DLG2: variants seen among roughly 807,000 people sequenced by gnomAD.
The protein encoded by DLG2 is discs large MAGUK scaffold protein 2, also known as disks large homolog 2.
In DLG2, 45 loss-of-function variants were observed where a neutral mutation model predicts 132.5. The ratio of observed to expected loss-of-function variants is 0.34; its 90% CI spans 0.27 to 0.44. DLG2 has a LOEUF of 0.44. Ranked by LOEUF, DLG2 falls within the 20% of genes least tolerant of loss-of-function variation. The probability of loss-of-function intolerance (pLI) is 1.00; values close to 1 mark genes in which losing one functional copy is unlikely to be tolerated. For synonymous variants in DLG2, 424 were observed against 419.6 expected (o/e 1.01, Z -0.13); for missense variants, 1,045 against 1,196.9 (o/e 0.87, Z 1.87).
intron 6 of DLG2, among the ~76,000 whole-genome samples, chr11:84,917,649 T>C (rs2092550186): frequency 6.6e-6 from 1 of 152,190 alleles, no homozygotes; most frequent in Non-Finnish European, 1.5e-5. Context: ...TACTAAGAGT[T>C]TGACAAATGG....
intron 6 of DLG2, among the ~76,000 whole-genome samples, chr11:84,794,750 A>C (rs2074335173): frequency 6.6e-6 from 1 of 152,160 alleles, no homozygotes; most frequent in African/African-American, 2.4e-5. Context: ...TGCTGTCACA[A>C]CCCAACTGGG....
chr11:83,531,307 C>A (rs2095738333), intron 21 of DLG2, among the ~76,000 whole-genome samples: 1 of 151,926 alleles, frequency 6.6e-6, no homozygotes, highest in Non-Finnish European at 1.5e-5. Context: ...TTCTGCAACT[C>A]AACAATAACA....
At chr11:85,556,721 G>A (rs1202509495) in intron 3 of DLG2, among the ~76,000 whole-genome samples, 1 of 151,790 alleles carries the variant, frequency 6.6e-6, no homozygotes, top group Admixed American at 6.6e-5. Flanking sequence ...GCCCACCTAT[G>A]TTCACCAGGT....
At chr11:83,905,324 C>T (rs547122576) in intron 15 of DLG2, among the ~76,000 whole-genome samples, 1 of 152,242 alleles carries the variant, frequency 6.6e-6, no homozygotes, top group African/African-American at 2.4e-5. Flanking sequence ...CACTTTTGAT[C>T]TGATTCTTAC....
At chr11:84,745,676 G>A (rs981981458) in intron 6 of DLG2, among the ~76,000 whole-genome samples, 2 of 152,106 alleles carry the variant, frequency 1.3e-5, no homozygotes, top group Non-Finnish European at 2.9e-5. Flanking sequence ...AGAGAGCAAG[G>A]AAGAATGAAG....
chr11:84,456,717 T>TTGA (rs2099066378), intron 7 of DLG2, among the ~76,000 whole-genome samples: 1 of 151,380 alleles, frequency 6.6e-6, no homozygotes, highest in South Asian at 2.1e-4. Context: ...ACATTGCACT[T>TTGA]ATCAGCTTCT....
At chr11:85,347,721 G>T (rs183935310) in intron 3 of DLG2, among the ~76,000 whole-genome samples, 3 of 151,658 alleles carry the variant, frequency 2.0e-5, no homozygotes, top group Non-Finnish European at 4.4e-5. Flanking sequence ...GAGGGCAAAG[G>T]GGAAGTTTTC....
At chr11:84,461,637 T>C (rs1337827780) in intron 7 of DLG2, among the ~76,000 whole-genome samples, 5 of 151,012 alleles carry the variant, frequency 3.3e-5, no homozygotes, top group African/African-American at 1.2e-4. Context: ...GAAGACTTGA[T>C]AAATGTTCAA....
At chr11:83,539,103 G>A (rs1378057245) in intron 20 of DLG2, among the ~76,000 whole-genome samples, 3 of 152,044 alleles carry the variant, frequency 2.0e-5, no homozygotes, top group African/African-American at 7.3e-5. Flanking sequence ...GTTCTAATGA[G>A]GTTTAAATAA....
At chr11:84,165,894 T>C (rs1411814524) in intron 8 of DLG2, among the ~76,000 whole-genome samples, 1 of 151,752 alleles carries the variant, frequency 6.6e-6, no homozygotes, top group East Asian at 1.9e-4. Flanking sequence ...TGAGATCCCG[T>C]CTCAAAAACA....
At chr11:83,930,155 A>G (rs1020887836) in intron 15 of DLG2, among the ~76,000 whole-genome samples, 173 bp downstream of exon 15, 3 of 152,208 alleles carry the variant, frequency 2.0e-5, no homozygotes, top group Non-Finnish European at 4.4e-5. Flanking sequence ...AAAACAAAAC[A>G]AAAAGGCAAT....
At chr11:85,588,219 T>G (rs1350484894) in intron 3 of DLG2, among the ~76,000 whole-genome samples, 5 of 152,230 alleles carry the variant, frequency 3.3e-5, no homozygotes, top group African/African-American at 1.2e-4. Context: ...AGGTGTTTTT[T>G]GAGCTTCTTG....
At chr11:84,478,157 T>C (rs1482530622) in intron 7 of DLG2, among the ~76,000 whole-genome samples, 1 of 152,132 alleles carries the variant, frequency 6.6e-6, no homozygotes. Flanking sequence ...TTGTTCATTA[T>C]TACAAATTTC....
chr11:85,103,958 C>T (rs762662769), intron 6 of DLG2, among the ~76,000 whole-genome samples: 43 of 151,838 alleles, frequency 2.8e-4, no homozygotes, highest in Non-Finnish European at 4.7e-4. Context: ...TACATGAAAA[C>T]ACGGTCACAT....
At chr11:85,247,374 T>C (rs1004451242) in intron 4 of DLG2, among the ~76,000 whole-genome samples, 4 of 152,024 alleles carry the variant, frequency 2.6e-5, no homozygotes, top group African/African-American at 9.7e-5. Flanking sequence ...GATTCATTCA[T>C]AGACCATAGG....
At chr11:84,663,653 C>A (rs1475241834) in intron 6 of DLG2, among the ~76,000 whole-genome samples, 1 of 152,092 alleles carries the variant, frequency 6.6e-6, no homozygotes, top group East Asian at 1.9e-4. Flanking sequence ...ACTTGGCACA[C>A]TTATATATTA....
intron 18 of DLG2, among the ~76,000 whole-genome samples, chr11:83,723,444 G>A (rs980963006): frequency 2.0e-5 from 3 of 152,170 alleles, no homozygotes; most frequent in East Asian, 1.9e-4. Flanking sequence ...GAATTTAGTC[G>A]AAGGAGGCCA....
At chr11:84,863,757 T>C (rs956189049) in intron 6 of DLG2, among the ~76,000 whole-genome samples, 1 of 151,984 alleles carries the variant, frequency 6.6e-6, no homozygotes, top group Non-Finnish European at 1.5e-5. Flanking sequence ...GTAAAAGAAA[T>C]AAAGCAAAAA....
chr11:84,930,509 G>A (rs1342109784), intron 6 of DLG2, among the ~76,000 whole-genome samples: 2 of 152,142 alleles, frequency 1.3e-5, no homozygotes, highest in Middle Eastern at 3.4e-3. Context: ...TTTGAAAGGC[G>A]ATTGCAAACA....
Sources: gnomAD v4.1 joint callset for allele counts (sites outside exome capture counted in the v4.1 genomes callset) on GRCh38, gnomAD v4.1.1 for gene constraint, MANE v1.5 for transcripts, NCBI Gene and HGNC (gene_info 2026-07-23, HGNC 2026-07-21) for gene names.